Variants in AVEN observed in about 807,000 individuals in gnomAD.
AVEN encodes cell death regulator Aven.
In AVEN, 41 loss-of-function variants were observed where a neutral mutation model predicts 38.1. That is an observed-to-expected ratio of 1.08 (90% CI 0.84 to 1.40). AVEN has a LOEUF of 1.40. AVEN is among the 40% of genes most tolerant of loss of function. The probability of loss-of-function intolerance (pLI) is 0.00; values close to 1 mark genes in which losing one functional copy is unlikely to be tolerated. For synonymous variants in AVEN, 206 were observed against 171.8 expected, an observed-to-expected ratio of 1.20 and a Z score of -1.56; for missense variants, 605 against 438.8, an observed-to-expected ratio of 1.38 and a Z score of -3.38.
At chr15:33,918,958 T>A (rs1367797701) in intron 2 of AVEN, among the ~76,000 whole-genome samples, 1 of 149,782 alleles carries the variant, frequency 6.7e-6, no homozygotes, top group Non-Finnish European at 1.5e-5. Flanking sequence ...TCTCACACTG[T>A]CCCCCAGGCT....
intron 3 of AVEN, among the ~76,000 whole-genome samples, chr15:33,874,274 G>T (rs941565618): frequency 6.6e-6 from 1 of 151,976 alleles, no homozygotes; most frequent in Admixed American, 6.6e-5. Flanking sequence ...AATAGAGAAG[G>T]AAAAAGTTTG....
chr15:33,985,643 G>A (rs1214124531), intron 2 of AVEN, among the ~76,000 whole-genome samples: 1 of 152,002 alleles, frequency 6.6e-6, no homozygotes, highest in East Asian at 1.9e-4. Context: ...CAGGCACTGT[G>A]TTGTAGGCAT....
At chr15:34,019,854 A>G (rs1273736505) in intron 1 of AVEN, among the ~76,000 whole-genome samples, 9 of 152,212 alleles carry the variant, frequency 5.9e-5, no homozygotes, top group Non-Finnish European at 8.8e-5. Context: ...CATGTTTCTC[A>G]GACTATATCC....
At chr15:33,857,987 A>C, downstream of AVEN, 2 of 1,590,518 alleles carry the variant, frequency 1.3e-6, no homozygotes, top group Admixed American at 1.7e-5. Flanking sequence ...CACTGGGAAG[A>C]AGGGCTGTGT....
chr15:33,991,700 A>G (rs1382812398), intron 2 of AVEN: 1 of 152,202 alleles, frequency 6.6e-6, no homozygotes, highest in South Asian at 2.1e-4. Flanking sequence ...TGTAAGAAAA[A>G]AGCTAAAGAA....
rs569859427 is a variant in AVEN at position 34,031,197 on chromosome 15, T to C, written c.267+7583A>G. Among the ~76,000 whole-genome samples the C allele has an allele frequency of 1.8e-4, 14 of 76,762 alleles. No homozygotes were observed. In the South Asian group the frequency reaches 4.1e-3, roughly 23 times the overall value. The allele number at this position is 76,762 out of a possible 152,430, so 50.4% of individuals were successfully genotyped here. ...TTTTTTTTTTTTTTTTTTTTGAGAC[T>C]GAGTTTTGCTCTTGTTGCCCAGGCT... is the stretch of plus-strand genomic sequence containing the variant. On this transcript the variant is annotated intron_variant, in intron 1 of 5. Coordinates refer to ENST00000306730, the MANE Select transcript of AVEN (RefSeq NM_020371.3).
chr15:34,042,396 G>GTTTTTT (rs35456951), upstream of AVEN, among the ~76,000 whole-genome samples: 4 of 130,382 alleles, frequency 3.1e-5, no homozygotes, highest in South Asian at 2.4e-4. Flanking sequence ...CATGACCTAA[G>GTTTTTT]TTTTTTTTTT....
chr15:33,901,824 C>A (rs1892508199), intron 2 of AVEN, among the ~76,000 whole-genome samples: 2 of 152,126 alleles, frequency 1.3e-5, no homozygotes, highest in South Asian at 4.1e-4. Context: ...GGAGAAATGT[C>A]TATTCAGGTC....
chr15:34,062,834 G>A (rs1900391537), intron 5 of AVEN: 3 of 1,614,084 alleles, frequency 1.9e-6, no homozygotes, highest in Non-Finnish European at 1.7e-6. Context: ...TGACTGCTGT[G>A]GTAAGCCTGA....
At chr15:33,956,605 C>G (rs1894962742) in intron 2 of AVEN, among the ~76,000 whole-genome samples, 1 of 152,194 alleles carries the variant, frequency 6.6e-6, no homozygotes, top group Non-Finnish European at 1.5e-5. Flanking sequence ...CCCACACACA[C>G]ATAATCATTT....
At chr15:33,971,401 T>C (rs1895633640) in intron 2 of AVEN, among the ~76,000 whole-genome samples, 1 of 152,092 alleles carries the variant, frequency 6.6e-6, no homozygotes, top group South Asian at 2.1e-4. Flanking sequence ...CCTATTGCTA[T>C]ATCCTTAAAT....
chr15:33,900,981 C>T (rs917410883), intron 2 of AVEN, among the ~76,000 whole-genome samples: 4 of 152,112 alleles, frequency 2.6e-5, no homozygotes, highest in Non-Finnish European at 4.4e-5. Flanking sequence ...TTCTACCTTA[C>T]ACTGGCCAGG....
At chr15:33,954,490 A>G (rs1226589634) in intron 2 of AVEN, among the ~76,000 whole-genome samples, 1 of 152,196 alleles carries the variant, frequency 6.6e-6, no homozygotes, top group Non-Finnish European at 1.5e-5. Flanking sequence ...GGATGAGTTC[A>G]TGTCCTTTGC....
At chr15:33,864,811 C>T (rs758764826), downstream of AVEN, 13 of 260,728 alleles carry the variant, frequency 5.0e-5, no homozygotes, top group Admixed American at 1.5e-4. Flanking sequence ...AGCATTCCTC[C>T]GTCTTCCACC....
intron 1 of AVEN, among the ~76,000 whole-genome samples, chr15:34,014,205 A>G (rs894968212): frequency 6.6e-6 from 1 of 152,030 alleles, no homozygotes; most frequent in African/African-American, 2.4e-5. Context: ...TCTACTAAAA[A>G]TATGAAAAAT....
intron 1 of AVEN, among the ~76,000 whole-genome samples, chr15:34,034,940 A>G (rs1339424705): frequency 6.6e-6 from 1 of 152,236 alleles, no homozygotes; most frequent in East Asian, 1.9e-4. Context: ...AGCTTTTAAC[A>G]GGCTCTCAGT....
chr15:33,933,516 CACACACACAGAGAGAGAGAGAGAGAG>C (rs1893936309), intron 2 of AVEN, among the ~76,000 whole-genome samples: 4 of 120,050 alleles, frequency 3.3e-5, no homozygotes, highest in African/African-American at 6.6e-5. Context: ...CACACACACA[CACACACACAGAGAGAGAGAGAGAGAG>C]AGAGAGAGAG....
At chr15:34,053,586 C>T (rs2140831892) in intron 5 of AVEN, among the ~76,000 whole-genome samples, 1 of 151,932 alleles carries the variant, frequency 6.6e-6, no homozygotes, top group Middle Eastern at 3.4e-3. Context: ...GGAAAGGATT[C>T]CCTATTTCAT....
At chr15:33,931,113 A>G (rs191315472) in intron 2 of AVEN, among the ~76,000 whole-genome samples, 22 of 151,980 alleles carry the variant, frequency 1.4e-4, no homozygotes, top group African/African-American at 5.1e-4. Context: ...TTTTAGAATG[A>G]CTACCAACGA....
Sources: allele counts gnomAD v4.1 joint callset (sites outside exome capture counted in the v4.1 genomes callset), GRCh38; gene constraint gnomAD v4.1.1; transcripts MANE v1.5; gene names NCBI Gene and HGNC (gene_info 2026-07-23, HGNC 2026-07-21).